Variants in PRKAA2 observed in about 807,000 individuals in gnomAD.
PRKAA2 encodes the protein 5'-AMP-activated protein kinase catalytic subunit alpha-2.
In PRKAA2, 40 loss-of-function variants were observed where a neutral mutation model predicts 56.3. That is an observed-to-expected ratio of 0.71 (90% confidence interval 0.55 to 0.92). PRKAA2 has a LOEUF of 0.92. Among genes scored for constraint, PRKAA2 ranks in the 40% least tolerant of loss-of-function variants. PRKAA2 has a pLI of 0.00. For synonymous variants in PRKAA2, 214 were observed against 234.2 expected (o/e 0.91, Z 0.79); for missense variants, 542 against 686.9 (o/e 0.79, Z 2.36).
At chr1:56,674,685 C>T (rs1049516308) in intron 2 of PRKAA2, among the ~76,000 whole-genome samples, 163 bp downstream of exon 2, 8 of 145,716 alleles carry the variant, frequency 5.5e-5, no homozygotes, top group African/African-American at 2.0e-4. Context: ...CCTTTTTTTG[C>T]ATACTCTTGG....
chr1:56,708,584 A>G lies in PRKAA2; in HGVS notation c.*871A>G, dbSNP rs921444883. 4 of 152,236 alleles carry G rather than the reference A, an allele frequency of 2.6e-5. No individual in the cohort carries two copies. The highest frequency in any genetic ancestry group is 4.4e-5 in the Non-Finnish European group (3 of 68,044). The allele number at this position is 152,236 out of a possible 1,614,324, so 9.4% of individuals were successfully genotyped here. On this transcript the variant is annotated 3_prime_UTR_variant, in exon 9 of 9. Coordinates refer to ENST00000371244, the MANE Select transcript of PRKAA2 (RefSeq NM_006252.4). Reference sequence around the variant, plus strand: ...TTAAATGAAACAAAGCAAAGTATCAACAGTCCCTTAAATGAGAATCCTTAT... The same window carrying G: ...TTAAATGAAACAAAGCAAAGTATCAGCAGTCCCTTAAATGAGAATCCTTAT...
chr1:56,699,572 T>C (rs1644280446), intron 6 of PRKAA2, among the ~76,000 whole-genome samples: 1 of 152,228 alleles, frequency 6.6e-6, no homozygotes, highest in African/African-American at 2.4e-5. Context: ...ATTTAGATTG[T>C]TTCCTTATTG....
intron 8 of PRKAA2, among the ~76,000 whole-genome samples, chr1:56,707,224 G>A (rs951869611): frequency 6.6e-6 from 1 of 152,078 alleles, no homozygotes; most frequent in East Asian, 1.9e-4. Flanking sequence ...TATCAATGCC[G>A]ATTACTCCAA....
In PRKAA2 at chr1:56,704,041, G is replaced by A. The variant is rs963948073; in HGVS notation, c.859G>A (p.Val287Ile). The A allele has an allele frequency of 2.7e-5, 44 of 1,613,776 alleles. No homozygotes were observed. Among genetic ancestry groups the A allele is most frequent in the African/African-American group, 2.0e-4 (15 of 74,904 alleles). Residue 287 changes from valine (V) to isoleucine (I), a missense_variant, in exon 7 of 9, where the codon GTC becomes ATC. This residue lies in a region of PRKAA2 where 198 missense variants were observed against 234.0 expected (regional missense o/e 0.85). Coordinates refer to ENST00000371244, the MANE Select transcript of PRKAA2 (RefSeq NM_006252.4). Reference sequence around the variant, plus strand: ...TGAAGACCCTTCCTATGATGCTAACGTCATTGATGATGAGGCTGTGAAAGA... The same window carrying A: ...TGAAGACCCTTCCTATGATGCTAACATCATTGATGATGAGGCTGTGAAAGA... ...FPEDPSYDAN[V>I]IDDEAVKEVC...
chr1:56,679,153 C>T (rs1644135693), intron 2 of PRKAA2, among the ~76,000 whole-genome samples: 1 of 152,106 alleles, frequency 6.6e-6, no homozygotes, highest in Admixed American at 6.6e-5. Context: ...CCTTTATGGG[C>T]CCCGCTTTAT....
intron 3 of PRKAA2, among the ~76,000 whole-genome samples, chr1:56,692,028 ATTT>A (rs397863487): frequency 3.5e-5 from 4 of 112,802 alleles, no homozygotes; most frequent in South Asian, 3.0e-4. Context: ...GATGTCTCAG[ATTT>A]TTTTTTTTTT....
chr1:56,666,545 T>G (rs529053641), intron 1 of PRKAA2, among the ~76,000 whole-genome samples: 1 of 152,324 alleles, frequency 6.6e-6, no homozygotes, highest in African/African-American at 2.4e-5. Context: ...ATTTAAATAG[T>G]TCACATATTT....
chr1:56,661,202 G>A (rs2796529), intron 1 of PRKAA2, among the ~76,000 whole-genome samples: 3 of 151,906 alleles, frequency 2.0e-5, no homozygotes, highest in African/African-American at 7.3e-5. Flanking sequence ...TGTTCTTAAC[G>A]TTTTTATTGT....
rs1469033327 is a variant in PRKAA2, at chr1:56,711,051, T to C, written c.*3338T>C. On this transcript the variant is annotated 3_prime_UTR_variant, in exon 9 of 9. Coordinates refer to ENST00000371244, the MANE Select transcript of PRKAA2 (RefSeq NM_006252.4). ...TGATTAACCTGTTAAGAGACACTTT[T>C]GTAATCTCTAGTGTTTACATTCCTT... is the stretch of plus-strand genomic sequence containing the variant. The C allele has an allele frequency of 1.3e-5, 2 of 152,142 alleles. No homozygotes were observed. Among genetic ancestry groups the C allele is most frequent in the Non-Finnish European group, 2.9e-5 (2 of 67,974 alleles). 9.4% of individuals were successfully genotyped at this position (152,142 alleles called of 1,614,324 possible). A position where few individuals can be genotyped will look rare whatever the true frequency, so the allele number is the denominator to read the frequency against.
Position 56,645,493 on chromosome 1 carries a change from G to GC in PRKAA2, c.94+13dup, listed in dbSNP as rs745329523. ...CGGCAAAGTGAAGAGTTGAGTACGC[G>GC]CTCCGGACCGCTGTGCGGGGCTGCC... On this transcript the variant is annotated intron_variant, in intron 1 of 8. Coordinates refer to ENST00000371244, the MANE Select transcript of PRKAA2 (RefSeq NM_006252.4). The GC allele has an allele frequency of 6.8e-7, 1 of 1,472,744 alleles. No individual in the cohort carries two copies. The highest frequency in any genetic ancestry group is 3.1e-5 in the East Asian group (1 of 32,144). The allele number at this position is 1,472,744 out of a possible 1,614,324, so 91.2% of individuals were successfully genotyped here.
intron 1 of PRKAA2, among the ~76,000 whole-genome samples, chr1:56,651,052 G>A (rs1048536114): frequency 3.3e-5 from 5 of 152,126 alleles, no homozygotes; most frequent in Non-Finnish European, 5.9e-5. Flanking sequence ...TGCTAGTGTG[G>A]AAGCCCTGAA....
intron 2 of PRKAA2, among the ~76,000 whole-genome samples, chr1:56,686,084 AC>A (rs1436775609): frequency 2.6e-5 from 4 of 152,224 alleles, no homozygotes; most frequent in African/African-American, 9.6e-5. Context: ...AAAGTTAATA[AC>A]CAAGACATTA....
chr1:56,665,381 T>C (rs998182642), intron 1 of PRKAA2, among the ~76,000 whole-genome samples: 1 of 152,176 alleles, frequency 6.6e-6, no homozygotes, highest in Non-Finnish European at 1.5e-5. Context: ...GCCTAGCTAG[T>C]ACCTTTCTAA....
intron 1 of PRKAA2, among the ~76,000 whole-genome samples, chr1:56,653,014 T>C (rs578122516): frequency 1.3e-5 from 2 of 152,196 alleles, no homozygotes; most frequent in Non-Finnish European, 2.9e-5. Context: ...TTCCCAAATA[T>C]GGAAGATGAA....
At chr1:56,665,897 G>A (rs776585586) in intron 1 of PRKAA2, among the ~76,000 whole-genome samples, 2 of 152,108 alleles carry the variant, frequency 1.3e-5, no homozygotes, top group Non-Finnish European at 2.9e-5. Flanking sequence ...CCCGGACCTT[G>A]ACTAAATTGT....
intron 1 of PRKAA2, among the ~76,000 whole-genome samples, chr1:56,664,046 A>G (rs1395956830): frequency 6.6e-6 from 1 of 152,172 alleles, no homozygotes; most frequent in Admixed American, 6.6e-5. Flanking sequence ...TGCAGGGAGC[A>G]GTGATTGCAT....
At chr1:56,666,111 T>C (rs1644034191) in intron 1 of PRKAA2, among the ~76,000 whole-genome samples, 1 of 152,232 alleles carries the variant, frequency 6.6e-6, no homozygotes, top group Non-Finnish European at 1.5e-5. Flanking sequence ...AAAGCAGCAA[T>C]ACTAGTAGAT....
At chr1:56,676,788 C>T (rs2746338) in intron 2 of PRKAA2, among the ~76,000 whole-genome samples, 72,395 of 151,914 alleles carry the variant, frequency 0.48, 17,538 homozygotes, top group East Asian at 0.64. Context: ...TGCATCTTAC[C>T]GGCAGCAAGA....
chr1:56,683,882 G>C (rs1036549730), intron 2 of PRKAA2, among the ~76,000 whole-genome samples: 1 of 152,104 alleles, frequency 6.6e-6, no homozygotes, highest in African/African-American at 2.4e-5. Flanking sequence ...TTTTACTCTT[G>C]TCTAAGATGG....
Sources: allele counts gnomAD v4.1 joint callset (sites outside exome capture counted in the v4.1 genomes callset), GRCh38; gene constraint gnomAD v4.1.1; regional missense constraint gnomAD v4.1.1; transcripts MANE v1.5; gene names NCBI Gene and HGNC (gene_info 2026-07-23, HGNC 2026-07-21).